The following MOCOS variants were observed in gnomAD, a reference collection of about 807,000 sequenced individuals.
MOCOS encodes molybdenum cofactor sulfurase.
In MOCOS, 86 loss-of-function variants were observed where a neutral mutation model predicts 83.6. The observed-to-expected ratio is 1.03, with a 90% CI of 0.86 to 1.23. The LOEUF is 1.23. MOCOS is among the 50% of genes most tolerant of loss of function. MOCOS has a pLI of 0.00. For missense variants in MOCOS, 1,120 were observed against 1,126.9 expected (o/e 0.99, Z 0.09); for synonymous variants, 445 against 434.7 (o/e 1.02, Z -0.29).
At position 36,265,597 on chromosome 18, in the gene MOCOS, A is replaced by G. The variant is rs142764965; in HGVS notation, c.2410-1152A>G. On this transcript the variant is annotated intron_variant, in intron 13 of 14. Transcript: ENST00000261326. Reference sequence around the variant, plus strand: ...TGTGCAATAAAAGAAGCATCTCGTTATTGCTGAGCTGCATGCTTTCTTTTT... The same window carrying G: ...TGTGCAATAAAAGAAGCATCTCGTTGTTGCTGAGCTGCATGCTTTCTTTTT... Among the ~76,000 whole-genome samples, 3 of 152,270 alleles carry G rather than the reference A, an allele frequency of 2.0e-5. No individual in the cohort carries two copies. In the East Asian group the frequency reaches 5.8e-4, roughly 29 times the overall value.
At chr18:36,247,078 G>A (rs1212790476) in intron 9 of MOCOS, among the ~76,000 whole-genome samples, 1 of 152,098 alleles carries the variant, frequency 6.6e-6, no homozygotes, top group Non-Finnish European at 1.5e-5. Flanking sequence ...ATGGAGTTAT[G>A]TTCCCAGGGG....
chr18:36,198,713 A>G lies in MOCOS; in HGVS notation c.256A>G (p.Ser86Gly). The change falls in exon 3 of 15, where the codon AGC becomes GGC. Residue 86 changes from serine (S) to glycine (G), a missense_variant. Physicochemically the swap from Ser to Gly is moderately conservative, Grantham distance 56. Coordinates refer to ENST00000261326, the MANE Select transcript of MOCOS (RefSeq NM_017947.4). The part of the protein sequence containing the change: ...TYGNPHSQNI[S>G]SKLTHDTVEQ... ...AGGTAATCCTCACAGCCAGAACATC[A>G]GCAGCAAGCTCACCCATGACACTGT... is the stretch of plus-strand genomic sequence containing the variant. 1 of 1,614,220 alleles carries G rather than the reference A, an allele frequency of 6.2e-7. No individual in the cohort carries two copies.
chr18:36,187,502 T>C lies in MOCOS; in HGVS notation c.-38T>C. On this transcript the variant is annotated 5_prime_UTR_variant, in exon 1 of 15. Transcript: ENST00000261326. The stretch of plus-strand genomic sequence containing the variant: ...TCGCCGGGGGCCGGCTTCGCGCACT[T>C]CCCGGGCCCGGCCGGCCTGGATGGA... 1 of 1,226,988 alleles carries C rather than the reference T, an allele frequency of 8.2e-7. No individual in the cohort carries two copies. Among genetic ancestry groups the C allele is most frequent in the Admixed American group, 4.3e-5 (1 of 23,484 alleles). The allele number at this position is 1,226,988 out of a possible 1,614,324, so 76.0% of individuals were successfully genotyped here.
chr18:36,206,501 C>T (rs1277629106), intron 6 of MOCOS, among the ~76,000 whole-genome samples: 1 of 152,036 alleles, frequency 6.6e-6, no homozygotes, highest in East Asian at 1.9e-4. Context: ...CCGCCTCAGC[C>T]TCCCAAAGTG....
intron 4 of MOCOS, among the ~76,000 whole-genome samples, chr18:36,201,946 A>G (rs1282308230): frequency 2.0e-5 from 3 of 152,158 alleles, no homozygotes; most frequent in Admixed American, 6.5e-5. Context: ...AATTTGGCCA[A>G]TAAGGGCACC....
At chr18:36,222,325 A>G (rs1339540873) in intron 9 of MOCOS, among the ~76,000 whole-genome samples, 3 of 152,208 alleles carry the variant, frequency 2.0e-5, no homozygotes, top group Non-Finnish European at 4.4e-5. Flanking sequence ...TTTCATATTA[A>G]CTGAAAAATT....
At chr18:36,201,957 T>C (rs2091416625) in intron 4 of MOCOS, among the ~76,000 whole-genome samples, 1 of 152,034 alleles carries the variant, frequency 6.6e-6, no homozygotes, top group African/African-American at 2.4e-5. Flanking sequence ...TAAGGGCACC[T>C]GAAGGCCAGG....
Position 36,215,805 on chromosome 18 carries a change from G to T in MOCOS, c.1625G>T (p.Trp542Leu). 6.2e-7 allele frequency: 1 copy of T among 1,614,178 alleles called. No homozygotes were observed. The highest frequency in any genetic ancestry group is 8.5e-7 in the Non-Finnish European group (1 of 1,180,026). ...GATGCCCTCACAGGCTCCAGGGTTTGGAACAACTCGTCTACTGTGAATGCT... is the reference window on the plus strand; with the variant it reads ...GATGCCCTCACAGGCTCCAGGGTTTTGAACAACTCGTCTACTGTGAATGCT... ...QEDALTGSRV[W>L]NNSSTVNAVP... Residue 542 changes from tryptophan (W) to leucine (L), a missense_variant, in exon 8 of 15, where the codon TGG becomes TTG. Transcript: ENST00000261326.
chr18:36,260,157 T>G lies in MOCOS; in HGVS notation c.2391T>G (p.Ile797Met). 1 of 1,614,190 alleles carries G rather than the reference T, an allele frequency of 6.2e-7. No individual in the cohort carries two copies. Among genetic ancestry groups the G allele is most frequent in the Non-Finnish European group, 8.5e-7 (1 of 1,180,026 alleles). The change falls in exon 13 of 15, where the codon ATT becomes ATG. Residue 797 changes from isoleucine to methionine, a missense_variant. Transcript: ENST00000261326. ...AAGAGAAATGGGATGAGATTTCAAT[T>G]GGCTCTTTGCGTTTCCAGGTAAGTT... ...FEEEKWDEIS[I>M]GSLRFQVLGP...
At chr18:36,251,107 A>G in intron 10 of MOCOS, 52 bp from the exon 11 acceptor site, 1 of 1,574,192 alleles carries the variant, frequency 6.4e-7, no homozygotes, top group Non-Finnish European at 8.7e-7. Flanking sequence ...TCAGATTATT[A>G]TTTAAATAAA....
chr18:36,230,146 G>A (rs1303879753), intron 9 of MOCOS, among the ~76,000 whole-genome samples: 1 of 152,060 alleles, frequency 6.6e-6, no homozygotes, highest in Non-Finnish European at 1.5e-5. Context: ...ACAGTGGCAC[G>A]ATCTCGGCTT....
rs200846253 is a variant in MOCOS, at chr18:36,201,663, C to CAAAA, written c.941+1352_941+1355dup. Among the ~76,000 whole-genome samples the CAAAA allele has an allele frequency of 1.0e-3, 72 of 69,442 alleles. 2 individuals carry two copies. The highest frequency in any genetic ancestry group is 1.9e-3 in the African/African-American group (39 of 20,296). The allele number at this position is 69,442 out of a possible 152,430, so 45.6% of individuals were successfully genotyped here. ...TGGTGACAGAGCAAGACTCCATCTC[C>CAAAA]AAAAAAAAAAAAAAAAGAAATGATA... On this transcript the variant is annotated intron_variant, in intron 4 of 14. Coordinates refer to ENST00000261326, the MANE Select transcript of MOCOS (RefSeq NM_017947.4).
At chr18:36,192,983 G>A (rs2091371901) in intron 1 of MOCOS, among the ~76,000 whole-genome samples, 1 of 152,092 alleles carries the variant, frequency 6.6e-6, no homozygotes, top group African/African-American at 2.4e-5. Flanking sequence ...CAAAGTTAGA[G>A]GAATCACACT....
At position 36,251,214 on chromosome 18, in the gene MOCOS, G is replaced by A; in HGVS notation, c.2095G>A (p.Gly699Ser). Reference protein sequence around the residue: ...KISSWLSTFFGRPCHLIKQSS... With the variant: ...KISSWLSTFFSRPCHLIKQSS... ...TTCAAGCTGGTTGTCAACATTTTTT[G>A]GCCGTCCTTGTCATTTGATCAAACA... Residue 699 changes from glycine to serine, a missense_variant, in exon 11 of 15, where the codon GGC (glycine) becomes AGC (serine). Transcript: ENST00000261326. 2 of 1,613,454 alleles carry A rather than the reference G, an allele frequency of 1.2e-6. No individual in the cohort carries two copies. The highest frequency in any genetic ancestry group is 1.7e-6 in the Non-Finnish European group (2 of 1,179,540).
In MOCOS at chr18:36,200,160, C is replaced by T. The variant is rs1243242335; in HGVS notation, c.777C>T (p.Pro259=). ...CAGCTCACCAGGCCGACTTTGTCCC[C>T]ATCTCCTTCTATAAGATCTTCGGGT... ...DLSAHQADFV[P]ISFYKIFGFP... The change falls in exon 4 of 15, where the codon CCC becomes CCT. Residue 259 remains proline (P), a synonymous_variant. Coordinates refer to ENST00000261326, the MANE Select transcript of MOCOS (RefSeq NM_017947.4). 2 of 1,614,112 alleles carry T rather than the reference C, an allele frequency of 1.2e-6. No individual in the cohort carries two copies. The highest frequency in any genetic ancestry group is 1.7e-5 in the Admixed American group (1 of 60,004).
At chr18:36,209,612 A>G (rs1459482661) in intron 6 of MOCOS, among the ~76,000 whole-genome samples, 1 of 151,930 alleles carries the variant, frequency 6.6e-6, no homozygotes, top group African/African-American at 2.4e-5. Context: ...TTCCTGAGTT[A>G]TTTCACTTAG....
At position 36,215,584 on chromosome 18, in the gene MOCOS, A is replaced by G; in HGVS notation, c.1404A>G (p.Ser468=). ...AGCCCACAGGATCTGTGAGGATTTC[A>G]TTTGGATACATGTCGACGCTGGATG... ...DGQPTGSVRI[S]FGYMSTLDDV... is the part of the protein sequence containing the mutation. The change falls in exon 8 of 15, where the codon TCA becomes TCG. Residue 468 remains serine (S), a synonymous_variant. Coordinates refer to ENST00000261326, the MANE Select transcript of MOCOS (RefSeq NM_017947.4). 6.2e-7 allele frequency: 1 copy of G among 1,614,142 alleles called. No homozygotes were observed. Among genetic ancestry groups the G allele is most frequent in the Non-Finnish European group, 8.5e-7 (1 of 1,180,030 alleles).
rs2091693986 is a variant in MOCOS, at chr18:36,269,986, AG to A, written c.*1303del. ...AGGACTTTGTGTTGTTCCCAGCACT[AG>A]GTGAGATTTGAAAGATGAGGTGTGC... On this transcript the variant is annotated 3_prime_UTR_variant, in exon 15 of 15. Transcript: ENST00000261326. The A allele has an allele frequency of 6.6e-6, 1 of 152,228 alleles. No homozygotes were observed. Among genetic ancestry groups the A allele is most frequent in the African/African-American group, 2.4e-5 (1 of 41,444 alleles). The allele number at this position is 152,228 out of a possible 1,614,324, so 9.4% of individuals were successfully genotyped here. A position where few individuals can be genotyped will look rare whatever the true frequency, so the allele number is the denominator to read the frequency against.
At chr18:36,219,068 C>T (rs2091485682) in intron 8 of MOCOS, among the ~76,000 whole-genome samples, 1 of 150,714 alleles carries the variant, frequency 6.6e-6, no homozygotes, top group African/African-American at 2.4e-5. Flanking sequence ...GGGGTTTCAC[C>T]ATGTCGGCCA....
Sources: allele counts gnomAD v4.1 joint callset (sites outside exome capture counted in the v4.1 genomes callset), GRCh38; gene constraint gnomAD v4.1.1; transcripts MANE v1.5; gene names NCBI Gene and HGNC (gene_info 2026-07-23, HGNC 2026-07-21).